Variants in VIPR2 observed in about 807,000 individuals in gnomAD.
The protein encoded by VIPR2 is vasoactive intestinal peptide receptor 2.
Under a neutral mutation model 58.0 loss-of-function variants are expected in VIPR2, and 48 were observed. The ratio of observed to expected loss-of-function variants is 0.83; its 90% confidence interval spans 0.66 to 1.05. The LOEUF (loss-of-function observed/expected upper bound fraction) is 1.05, where lower values mean the gene tolerates loss of function less well. VIPR2 is among the 50% of genes least tolerant of loss of function. The pLI is 0.00. For synonymous variants in VIPR2, 243 were observed against 235.2 expected, an observed-to-expected ratio of 1.03 and a Z score of -0.30; for missense variants, 534 against 558.0, an observed-to-expected ratio of 0.96 and a Z score of 0.43.
chr7:159,105,377 G>A lies in VIPR2; in HGVS notation c.260-1523C>T, dbSNP rs59905827. On this transcript the variant is annotated intron_variant, in intron 3 of 12. Transcript: ENST00000262178. ...GGATTTAGCAAATATTTTCACTCCCGTGACTTTTTAATTTCAAGACAACCC... is the reference window on the plus strand; with the variant it reads ...GGATTTAGCAAATATTTTCACTCCCATGACTTTTTAATTTCAAGACAACCC... 4.7e-3 allele frequency among the ~76,000 whole-genome samples: 711 copies of A among 152,296 alleles called. 5 individuals carry two copies. The highest frequency in any genetic ancestry group is 0.016 in the African/African-American group (675 of 41,544).
At position 159,055,911 on chromosome 7, in the gene VIPR2, G is replaced by C. The variant is rs77677785; in HGVS notation, c.455+2570C>G. 1.8e-4 allele frequency among the ~76,000 whole-genome samples: 28 copies of C among 152,344 alleles called. No homozygotes were observed. The South Asian group carries it at 2.3e-3, about 12-fold the overall frequency. ...GGCAATGGAGGTAGTAGAAAGTGTG[G>C]CTTCCGGAAAGGGGGACCAGAGTCT... On this transcript the variant is annotated intron_variant, in intron 5 of 12. Transcript: ENST00000262178.
intron 4 of VIPR2, among the ~76,000 whole-genome samples, chr7:159,062,726 G>A (rs879729078): frequency 7.2e-5 from 11 of 152,304 alleles, no homozygotes; most frequent in Admixed American, 5.9e-4. Context: ...GACTGCCACA[G>A]CACATAAGGA....
chr7:159,054,677 G>C (rs939591796), intron 5 of VIPR2, among the ~76,000 whole-genome samples: 2 of 152,208 alleles, frequency 1.3e-5, no homozygotes, highest in Non-Finnish European at 2.9e-5. Flanking sequence ...TGGAGGCAAG[G>C]TGTGGTGTGA....
chr7:159,069,375 G>A (rs182348916), intron 4 of VIPR2, among the ~76,000 whole-genome samples: 2 of 152,158 alleles, frequency 1.3e-5, no homozygotes, highest in African/African-American at 4.8e-5. Flanking sequence ...TCCTGGGAAC[G>A]AACGGCTGTA....
rs545010909 is a variant in VIPR2 at position 159,143,285 on chromosome 7, C to T, written c.52-740G>A. Among the ~76,000 whole-genome samples the T allele has an allele frequency of 1.9e-4, 29 of 152,372 alleles. 1 individual carries two copies. The highest frequency in any genetic ancestry group is 7.0e-4 in the African/African-American group (29 of 41,592). On this transcript the variant is annotated intron_variant, in intron 1 of 12. Transcript: ENST00000262178. ...TTTCTACCTTGTTCTTCACGCCCTC[C>T]GCGAAGTCAGCACAGGCCTGCCAAG...
At chr7:159,091,239 G>A (rs986655085) in intron 4 of VIPR2, among the ~76,000 whole-genome samples, 1 of 152,244 alleles carries the variant, frequency 6.6e-6, no homozygotes, top group African/African-American at 2.4e-5. Context: ...AGGGCTTTGC[G>A]CATGAAGCAG....
chr7:159,077,247 G>T (rs916080223), intron 4 of VIPR2, among the ~76,000 whole-genome samples: 1 of 152,082 alleles, frequency 6.6e-6, no homozygotes, highest in African/African-American at 2.4e-5. Context: ...CAGTGTACCT[G>T]TTATCAGATT....
chr7:159,144,468 C>T, intron 1 of VIPR2: 1 of 1,540,206 alleles, frequency 6.5e-7, no homozygotes, highest in Non-Finnish European at 8.8e-7. Context: ...CAGCAAACCC[C>T]GGACGGTGGG....
At chr7:159,109,121 T>C (rs1281608626) in intron 3 of VIPR2, among the ~76,000 whole-genome samples, 1 of 152,266 alleles carries the variant, frequency 6.6e-6, no homozygotes, top group Non-Finnish European at 1.5e-5. Context: ...CAAAGTATTA[T>C]GCTTTCTGTT....
chr7:159,107,043 G>A (rs1474612132), intron 3 of VIPR2, among the ~76,000 whole-genome samples: 2 of 152,088 alleles, frequency 1.3e-5, no homozygotes, highest in Non-Finnish European at 2.9e-5. Flanking sequence ...GCACACTCTC[G>A]CCCACTTGCA....
intron 2 of VIPR2, among the ~76,000 whole-genome samples, chr7:159,139,207 C>G (rs751433702): frequency 6.6e-6 from 1 of 152,170 alleles, no homozygotes; most frequent in Non-Finnish European, 1.5e-5. Flanking sequence ...TAGGAGAGTT[C>G]GATAATTAAG....
At chr7:159,132,972 A>AGCC in intron 2 of VIPR2, among the ~76,000 whole-genome samples, 1 of 147,256 alleles carries the variant, frequency 6.8e-6, no homozygotes, top group Admixed American at 6.9e-5. Flanking sequence ...AATGATTGGC[A>AGCC]TACCGATTGA....
chr7:159,076,545 TA>T (rs1422010924), intron 4 of VIPR2, among the ~76,000 whole-genome samples: 10 of 152,264 alleles, frequency 6.6e-5, no homozygotes, highest in Admixed American at 6.5e-4. Context: ...TGTATTATTG[TA>T]CCAGACACAT....
At chr7:159,033,734 T>A (rs1853732596) in intron 10 of VIPR2, among the ~76,000 whole-genome samples, 1 of 152,114 alleles carries the variant, frequency 6.6e-6, no homozygotes, top group African/African-American at 2.4e-5. Flanking sequence ...CATGGACACA[T>A]GGCCATGTCT....
intron 5 of VIPR2, among the ~76,000 whole-genome samples, chr7:159,050,356 A>AAAAAAAAAC (rs1854919075): frequency 9.7e-5 from 1 of 10,280 alleles, no homozygotes; most frequent in Admixed American, 3.0e-3. Flanking sequence ...CAAAAAAACA[A>AAAAAAAAAC]AAAAAAAAAC....
intron 4 of VIPR2, among the ~76,000 whole-genome samples, chr7:159,100,377 T>C (rs1858131523): frequency 6.6e-6 from 1 of 151,824 alleles, no homozygotes. Flanking sequence ...CCTTATCCAC[T>C]GAACACAATG....
At chr7:159,056,283 C>T (rs1208873976) in intron 5 of VIPR2, among the ~76,000 whole-genome samples, 1 of 151,872 alleles carries the variant, frequency 6.6e-6, no homozygotes, top group African/African-American at 2.4e-5. Flanking sequence ...GCAAGTCCCA[C>T]ATTTGCCCCT....
rs769513953 is a variant in VIPR2, at chr7:159,031,464, C to T, written c.1143+364G>A. On this transcript the variant is annotated intron_variant, in intron 12 of 12. Transcript: ENST00000262178. This position sits in a 1 kb window ranked among gnomAD's most constrained non-coding sequence, Gnocchi z 4.0. ...ACAGGACGCTGTGCAGCCCCACCCC[C>T]CAACCCAGGCCCGGCTTTCTGGGAC... The T allele has an allele frequency of 1.2e-5, 12 of 985,378 alleles. No individual in the cohort carries two copies. The highest frequency in any genetic ancestry group is 1.3e-5 in the Non-Finnish European group (11 of 829,902). 61.0% of individuals were successfully genotyped at this position (985,378 alleles called of 1,614,324 possible).
chr7:159,062,727 C>A lies in VIPR2; in HGVS notation c.358-4149G>T, dbSNP rs183250642. On this transcript the variant is annotated intron_variant, in intron 4 of 12. Transcript: ENST00000262178. ...GGGCAAAAGAACACGACTGCCACAG[C>A]ACATAAGGAGACCCAGTGAATTGTC... is the stretch of plus-strand genomic sequence containing the variant. Among the ~76,000 whole-genome samples, 509 of 152,324 alleles carry A rather than the reference C, an allele frequency of 3.3e-3. 4 individuals carry two copies. Among genetic ancestry groups the A allele is most frequent in the Middle Eastern group, 0.017 (5 of 294 alleles).
Sources: gnomAD v4.1 joint callset for allele counts (sites outside exome capture counted in the v4.1 genomes callset) on GRCh38, gnomAD v4.1.1 for gene constraint, Gnocchi (gnomAD v3.1) non-coding constraint, MANE v1.5 for transcripts, NCBI Gene and HGNC (gene_info 2026-07-23, HGNC 2026-07-21) for gene names.